Variants in SIPA1 observed in about 807,000 individuals in gnomAD.
SIPA1 encodes the protein signal-induced proliferation-associated 1, also known as signal-induced proliferation-associated protein 1.
SIPA1 carries 51 observed loss-of-function variants against 88.1 expected under a neutral mutation model. The observed-to-expected ratio is 0.58, with a 90% CI of 0.46 to 0.73. The LOEUF (loss-of-function observed/expected upper bound fraction) is 0.73, where lower values mean the gene tolerates loss of function less well. Ranked by LOEUF, SIPA1 falls within the 30% of genes least tolerant of loss-of-function variation. The pLI is 0.00. For synonymous variants in SIPA1, 681 were observed against 664.8 expected (o/e 1.02, Z -0.37); for missense variants, 1,348 against 1,467.6 (o/e 0.92, Z 1.33).
At chr11:65,649,196 G>T in intron 9 of SIPA1, 66 bp from the exon 10 acceptor site, 1 of 1,175,606 alleles carries the variant, frequency 8.5e-7, no homozygotes, top group Non-Finnish European at 1.2e-6. Context: ...CGGGCTGGGG[G>T]TGGGGCTAGT....
At chr11:65,650,284 T>C in intron 14 of SIPA1, 92 bp downstream of exon 14, 1 of 1,542,942 alleles carries the variant, frequency 6.5e-7, no homozygotes, top group Non-Finnish European at 8.9e-7. Flanking sequence ...TCCTGGGCTC[T>C]GCTGCCACAT....
Position 65,642,072 on chromosome 11 carries a change from G to T in SIPA1, c.680-178G>T. Reference sequence around the variant, plus strand: ...TAGGTCTGGGTCTGGGTCCACCTCTGGGTCAGGGTTGAGATCAAGATATTG... The same window carrying T: ...TAGGTCTGGGTCTGGGTCCACCTCTTGGTCAGGGTTGAGATCAAGATATTG... On this transcript the variant is annotated intron_variant, in intron 2 of 15. Transcript: ENST00000534313. This position sits in a 1 kb window ranked among gnomAD's most constrained non-coding sequence, Gnocchi z 6.5. The T allele has an allele frequency of 1.1e-6, 1 of 902,586 alleles. No individual in the cohort carries two copies. 55.9% of individuals were successfully genotyped at this position (902,586 alleles called of 1,614,324 possible). A position where few individuals can be genotyped will look rare whatever the true frequency, so the allele number is the denominator to read the frequency against.
Position 65,641,530 on chromosome 11 carries a change from A to G in SIPA1, c.609A>G (p.Arg203=). The change falls in exon 2 of 16, where the codon CGA becomes CGG. Residue 203 remains arginine, a synonymous_variant. Transcript: ENST00000534313. Reference sequence around the variant, plus strand: ...CCATCCTGGAGGAGCCACAGAACCGAACCTCGGCCTACAGCCTGGAGCACG... The same window carrying G: ...CCATCCTGGAGGAGCCACAGAACCGGACCTCGGCCTACAGCCTGGAGCACG... The part of the protein sequence containing the change: ...AVSILEEPQN[R]TSAYSLEHAD... 6.2e-7 allele frequency: 1 copy of G among 1,612,426 alleles called. No individual in the cohort carries two copies. Among genetic ancestry groups the G allele is most frequent in the African/African-American group, 1.3e-5 (1 of 75,044 alleles).
chr11:65,639,213 A>C (rs1461119121), intron 1 of SIPA1: 1 of 152,408 alleles, frequency 6.6e-6, no homozygotes, highest in East Asian at 1.9e-4. Context: ...GGTTTAAGCG[A>C]TTCTCCTGCC....
At chr11:65,647,310 G>A (rs1204685884) in intron 8 of SIPA1, 74 bp from the exon 9 acceptor site, 4 of 1,366,950 alleles carry the variant, frequency 2.9e-6, no homozygotes, top group Non-Finnish European at 2.8e-6. Context: ...GGCCTGGGAC[G>A]CAGTCCAGGG....
chr11:65,645,407 T>C (rs888267509), intron 5 of SIPA1, among the ~76,000 whole-genome samples: 1 of 152,040 alleles, frequency 6.6e-6, no homozygotes, highest in Non-Finnish European at 1.5e-5. Flanking sequence ...CAGCTCAGCC[T>C]CGTGGAAGAG....
At position 65,642,585 on chromosome 11, in the gene SIPA1, G is replaced by C; in HGVS notation, c.930G>C (p.Leu310=). The part of the protein sequence containing the change: ...APQLSPSCLR[L]GSASPKVPRT... ...AGCTGAGCCCCAGCTGCCTGCGCCT[G>C]GGCTCAGCTTCACCCAAGGTACCAC... The change falls in exon 4 of 16, where the codon CTG becomes CTC. Residue 310 remains leucine, a synonymous_variant. Coordinates refer to ENST00000534313, the MANE Select transcript of SIPA1 (RefSeq NM_006747.4). The surrounding 1 kb of genome is among the most constrained non-coding windows in gnomAD (Gnocchi z 6.5). 1.9e-6 allele frequency: 3 copies of C among 1,596,942 alleles called. No individual in the cohort carries two copies. Among genetic ancestry groups the C allele is most frequent in the Non-Finnish European group, 2.5e-6 (3 of 1,176,812 alleles).
At position 65,641,353 on chromosome 11, in the gene SIPA1, G is replaced by T; in HGVS notation, c.432G>T (p.Gly144=). ...GGAGCCACTCAGAGGCCAGCTCTGG[G>T]ACCCTGGCTTCAGCCGAGGACCAGG... The part of the protein sequence containing the change: ...GMGSHSEASS[G]TLASAEDQAA... The change falls in exon 2 of 16, where the codon GGG becomes GGT. Residue 144 remains glycine, a synonymous_variant. Transcript: ENST00000534313. 1 of 1,613,418 alleles carries T rather than the reference G, an allele frequency of 6.2e-7. No individual in the cohort carries two copies. The highest frequency in any genetic ancestry group is 8.5e-7 in the Non-Finnish European group (1 of 1,180,034).
In SIPA1 at chr11:65,645,931, C is replaced by A; in HGVS notation, c.1237C>A (p.Pro413Thr). Reference sequence around the variant, plus strand: ...CATGTTCCACGTGTCCACGATGCTGCCTTACACCCCTAATAACCAGCAGCA... The same window carrying A: ...CATGTTCCACGTGTCCACGATGCTGACTTACACCCCTAATAACCAGCAGCA... ...EIMFHVSTML[P>T]YTPNNQQQLL... The change falls in exon 6 of 16, where the codon CCT (proline) becomes ACT (threonine). Residue 413 changes from proline to threonine, a missense_variant. Physicochemically the swap from Pro to Thr is conservative, Grantham distance 38. Coordinates refer to ENST00000534313, the MANE Select transcript of SIPA1 (RefSeq NM_006747.4). 1 of 1,613,110 alleles carries A rather than the reference C, an allele frequency of 6.2e-7. No homozygotes were observed. Among genetic ancestry groups the A allele is most frequent in the African/African-American group, 1.3e-5 (1 of 75,000 alleles).
Position 65,642,187 on chromosome 11 carries a change from G to T in SIPA1, c.680-63G>T. On this transcript the variant is annotated intron_variant, in intron 2 of 15. Transcript: ENST00000534313. This position sits in a 1 kb window ranked among gnomAD's most constrained non-coding sequence, Gnocchi z 6.5. ...AGGGCGGGGCTTAGTGATGCGCGTGGTCGAGCGGGGGCGGGGCTGCCAGAG... is the reference window on the plus strand; with the variant it reads ...AGGGCGGGGCTTAGTGATGCGCGTGTTCGAGCGGGGGCGGGGCTGCCAGAG... 1 of 1,531,870 alleles carries T rather than the reference G, an allele frequency of 6.5e-7. No individual in the cohort carries two copies. Among genetic ancestry groups the T allele is most frequent in the Non-Finnish European group, 8.8e-7 (1 of 1,141,566 alleles). The allele number at this position is 1,531,870 out of a possible 1,614,324, so 94.9% of individuals were successfully genotyped here. A position where few individuals can be genotyped will look rare whatever the true frequency, so the allele number is the denominator to read the frequency against.
At chr11:65,639,430 G>A (rs951915072) in intron 1 of SIPA1, among the ~76,000 whole-genome samples, 1 of 152,204 alleles carries the variant, frequency 6.6e-6, no homozygotes, top group African/African-American at 2.4e-5. Context: ...TTTTAGAGAT[G>A]AGAAAACAGA....
At position 65,646,841 on chromosome 11, in the gene SIPA1, G is replaced by A. The variant is rs1176408496; in HGVS notation, c.1807G>A (p.Glu603Lys). ...CGCCGGGGCTCAGGCGAGCGGCCCCGAAGGCATCGAGGTGCCCTGCCTGCT... is the reference window on the plus strand; with the variant it reads ...CGCCGGGGCTCAGGCGAGCGGCCCCAAAGGCATCGAGGTGCCCTGCCTGCT... ...VAAGAQASGP[E>K]GIEVPCLLGI... The change falls in exon 8 of 16, where the codon GAA (glutamate) becomes AAA (lysine). Residue 603 changes from glutamate to lysine, a missense_variant. This residue lies in a region of SIPA1 where 68 missense variants were observed against 59.0 expected (regional missense o/e 1.15). Transcript: ENST00000534313. This position sits in a 1 kb window ranked among gnomAD's most constrained non-coding sequence, Gnocchi z 7.5. The A allele has an allele frequency of 2.1e-6, 3 of 1,424,150 alleles. No homozygotes were observed. Among genetic ancestry groups the A allele is most frequent in the Non-Finnish European group, 2.8e-6 (3 of 1,089,298 alleles). 88.2% of individuals were successfully genotyped at this position (1,424,150 alleles called of 1,614,324 possible).
At position 65,645,149 on chromosome 11, in the gene SIPA1, G is replaced by C; in HGVS notation, c.1159+20G>C. 2.5e-6 allele frequency: 4 copies of C among 1,609,972 alleles called. No individual in the cohort carries two copies. The highest frequency in any genetic ancestry group is 3.4e-6 in the Non-Finnish European group (4 of 1,177,444). ...CCAAAAGTGAGGCCCAGGGGCAGGAGGGGTGGGAGCAGATCTGTGCTGAAG... is the reference window on the plus strand; with the variant it reads ...CCAAAAGTGAGGCCCAGGGGCAGGACGGGTGGGAGCAGATCTGTGCTGAAG... On this transcript the variant is annotated intron_variant, in intron 5 of 15. Coordinates refer to ENST00000534313, the MANE Select transcript of SIPA1 (RefSeq NM_006747.4).
In SIPA1 at chr11:65,641,342, G is replaced by T. The variant is rs770714668; in HGVS notation, c.421G>T (p.Ala141Ser). The T allele has an allele frequency of 6.2e-7, 1 of 1,613,428 alleles. No individual in the cohort carries two copies. The highest frequency in any genetic ancestry group is 8.5e-7 in the Non-Finnish European group (1 of 1,180,040). ...TCAGGGGATGGGGAGCCACTCAGAG[G>T]CCAGCTCTGGGACCCTGGCTTCAGC... ...RSQGMGSHSE[A>S]SSGTLASAED... is the part of the protein sequence containing the mutation. Residue 141 changes from alanine to serine, a missense_variant, in exon 2 of 16, where the codon GCC becomes TCC. By Grantham distance (99) the Ala-to-Ser change is moderately conservative. Around this residue, in one of 4 missense-constraint regions of SIPA1, gnomAD observed 641 missense variants for 797.7 expected, o/e 0.80. Coordinates refer to ENST00000534313, the MANE Select transcript of SIPA1 (RefSeq NM_006747.4).
intron 4 of SIPA1, among the ~76,000 whole-genome samples, chr11:65,643,416 G>A (rs1008066909): frequency 6.6e-6 from 1 of 152,180 alleles, no homozygotes; most frequent in African/African-American, 2.4e-5. Flanking sequence ...CATTGGCTGA[G>A]TCTTCTCCTC....
In SIPA1 at chr11:65,647,542, C is replaced by G; in HGVS notation, c.2190C>G (p.Arg730=). The change falls in exon 9 of 16, where the codon CGC becomes CGG. Residue 730 remains arginine (R), a synonymous_variant. Transcript: ENST00000534313. ...TGCGGCCCGGGGCGCGCCTCCTGCG[C>G]GTGTGCGGCCAGACTCTGCCCAGCC... ...AGLRPGARLL[R]VCGQTLPSLR... The G allele has an allele frequency of 7.5e-7, 1 of 1,337,296 alleles. No individual in the cohort carries two copies. Among genetic ancestry groups the G allele is most frequent in the Non-Finnish European group, 9.6e-7 (1 of 1,046,906 alleles). 82.8% of individuals were successfully genotyped at this position (1,337,296 alleles called of 1,614,324 possible).
chr11:65,640,913 C>A lies in SIPA1; in HGVS notation c.-9C>A, dbSNP rs763066867. 12 of 1,488,702 alleles carry A rather than the reference C, an allele frequency of 8.1e-6. No individual in the cohort carries two copies. The highest frequency in any genetic ancestry group is 1.1e-5 in the Non-Finnish European group (12 of 1,128,512). 92.2% of individuals were successfully genotyped at this position (1,488,702 alleles called of 1,614,324 possible). A position where few individuals can be genotyped will look rare whatever the true frequency, so the allele number is the denominator to read the frequency against. On this transcript the variant is annotated 5_prime_UTR_variant, in exon 2 of 16. Coordinates refer to ENST00000534313, the MANE Select transcript of SIPA1 (RefSeq NM_006747.4). ...CGGCCCAGCCCCCGGAGAGTCAGGC[C>A]CACAGAGCATGCCCATGTGGGCCGG...
chr11:65,639,224 T>G (rs888389709), intron 1 of SIPA1: 2 of 152,568 alleles, frequency 1.3e-5, no homozygotes, highest in African/African-American at 4.8e-5. Flanking sequence ...TTCTCCTGCC[T>G]CAGCCTCCTG....
rs3741379 is a variant in SIPA1 at position 65,641,237 on chromosome 11, G to T, written c.316G>T (p.Ala106Ser). The T allele has an allele frequency of 1.7e-3, 2,747 of 1,613,236 alleles. 57 individuals are homozygous for T. The East Asian group carries it at 0.046, about 27-fold the overall frequency. The stretch of plus-strand genomic sequence containing the variant: ...GCTGCCAGCAGAGGAACCAGAGCCT[G>T]CCTTCCCACCAGTGCTTGAGCCTCG... ...LGLPAEEPEPAFPPVLEPRWF... is the reference protein window; with the variant it reads ...LGLPAEEPEPSFPPVLEPRWF... The change falls in exon 2 of 16, where the codon GCC becomes TCC. Residue 106 changes from alanine (A) to serine (S), a missense_variant. Ala to Ser is a moderately conservative substitution (Grantham distance 99, BLOSUM62 1). This residue lies in a region of SIPA1 where 641 missense variants were observed against 797.7 expected (regional missense o/e 0.80). Transcript: ENST00000534313.
Sources: allele counts gnomAD v4.1 joint callset (sites outside exome capture counted in the v4.1 genomes callset), GRCh38; gene constraint gnomAD v4.1.1; regional missense constraint gnomAD v4.1.1; non-coding constraint Gnocchi (gnomAD v3.1); transcripts MANE v1.5; gene names NCBI Gene and HGNC (gene_info 2026-07-23, HGNC 2026-07-21).